Variants in FYB2 observed in about 807,000 individuals in gnomAD.
The protein encoded by FYB2 is FYN binding protein 2.
In FYB2, 103 loss-of-function variants were observed where a neutral mutation model predicts 94.1. The observed-to-expected ratio is 1.09, with a 90% CI of 0.93 to 1.29. FYB2 has a LOEUF of 1.29. FYB2 is among the 50% of genes most tolerant of loss of function. The pLI, the probability that FYB2 is intolerant of heterozygous loss-of-function variation, is 0.00. For missense variants in FYB2, 896 were observed against 841.5 expected (o/e 1.06, Z -0.80); for synonymous variants, 293 against 287.9 (o/e 1.02, Z -0.18).
At chr1:56,724,113 C>T (rs1224371112) in intron 16 of FYB2, among the ~76,000 whole-genome samples, 2 of 151,114 alleles carry the variant, frequency 1.3e-5, no homozygotes, top group Non-Finnish European at 2.9e-5. Flanking sequence ...CACCTTCAGA[C>T]TATTTAATGG....
chr1:56,812,699 C>G (rs181387309), intron 1 of FYB2, among the ~76,000 whole-genome samples: 2 of 152,210 alleles, frequency 1.3e-5, no homozygotes, highest in Admixed American at 1.3e-4. Context: ...TGACCATGGT[C>G]GCAGGATCAT....
At chr1:56,792,027 C>A in intron 2 of FYB2, 29 bp downstream of exon 2, 1 of 1,538,876 alleles carries the variant, frequency 6.5e-7, no homozygotes, top group African/African-American at 1.4e-5. Flanking sequence ...CCTCCCTAGC[C>A]CCTGTCCCAT....
chr1:56,772,084 C>T (rs546044819), intron 4 of FYB2, among the ~76,000 whole-genome samples: 40 of 152,168 alleles, frequency 2.6e-4, no homozygotes, highest in Admixed American at 1.0e-3. Context: ...TGTTCCCCTC[C>T]CCCTTCATAA....
intron 8 of FYB2, among the ~76,000 whole-genome samples, chr1:56,752,948 T>C (rs1288097451): frequency 6.6e-6 from 1 of 152,090 alleles, no homozygotes; most frequent in African/African-American, 2.4e-5. Context: ...TCACACCCAG[T>C]GCTGCTCCCC....
chr1:56,785,495 A>G (rs1646113635), intron 4 of FYB2, among the ~76,000 whole-genome samples: 1 of 152,166 alleles, frequency 6.6e-6, no homozygotes. Flanking sequence ...TTGTGCTGTC[A>G]TTTAACTCTT....
chr1:56,815,612 T>G (rs1201080701), intron 1 of FYB2, among the ~76,000 whole-genome samples: 4 of 152,220 alleles, frequency 2.6e-5, no homozygotes, highest in Admixed American at 6.5e-5. Context: ...TAAGTCGTTA[T>G]GAAGTGTGTT....
chr1:56,786,347 T>C (rs1646132371), intron 4 of FYB2, among the ~76,000 whole-genome samples: 1 of 152,218 alleles, frequency 6.6e-6, no homozygotes, highest in Non-Finnish European at 1.5e-5. Context: ...TCCTTGACCC[T>C]CCCAAGAAGA....
intron 5 of FYB2, among the ~76,000 whole-genome samples, chr1:56,760,950 A>G (rs977321637): frequency 6.6e-6 from 1 of 152,172 alleles, no homozygotes; most frequent in Non-Finnish European, 1.5e-5. Flanking sequence ...AGGAATTATG[A>G]CAAGAGCATG....
At chr1:56,739,441 A>G (rs1644902012) in intron 13 of FYB2, among the ~76,000 whole-genome samples, 1 of 152,096 alleles carries the variant, frequency 6.6e-6, no homozygotes, top group Non-Finnish European at 1.5e-5. Context: ...TCCAATTGAC[A>G]GTTGAACTTA....
At chr1:56,756,808 T>C (rs1645343640) in intron 6 of FYB2, among the ~76,000 whole-genome samples, 1 of 152,138 alleles carries the variant, frequency 6.6e-6, no homozygotes, top group Non-Finnish European at 1.5e-5. Flanking sequence ...GCACAAGTGC[T>C]ATCACACCAG....
At chr1:56,734,404 G>C (rs993947863) in intron 15 of FYB2, among the ~76,000 whole-genome samples, 7 of 151,980 alleles carry the variant, frequency 4.6e-5, no homozygotes, top group African/African-American at 1.7e-4. Flanking sequence ...CAAAGACTTG[G>C]AACCAACCCA....
At chr1:56,746,276 T>C (rs1158280167) in intron 9 of FYB2, among the ~76,000 whole-genome samples, 1 of 152,154 alleles carries the variant, frequency 6.6e-6, no homozygotes, top group East Asian at 1.9e-4. Flanking sequence ...TTTGAATGCA[T>C]GTGTCTTCTC....
intron 16 of FYB2, among the ~76,000 whole-genome samples, chr1:56,726,171 A>G (rs1199251425): frequency 6.6e-6 from 1 of 152,004 alleles, no homozygotes; most frequent in Non-Finnish European, 1.5e-5. Flanking sequence ...TATTTACATT[A>G]TATCTTAGAG....
At position 56,806,733 on chromosome 1, in the gene FYB2, T is replaced by C. The variant is rs890140864; in HGVS notation, c.9+12549A>G. ...AACAAATGGGGTTTATGATGTCTTT[T>C]AGGAAATCAGCCAAAACCAAAAAAT... On this transcript the variant is annotated intron_variant, in intron 1 of 19. Coordinates refer to ENST00000343433, the MANE Select transcript of FYB2 (RefSeq NM_001004303.5). Among the ~76,000 whole-genome samples the C allele has an allele frequency of 3.3e-5, 5 of 151,996 alleles. No homozygotes were observed. In the South Asian group the frequency reaches 6.3e-4, roughly 19 times the overall value.
At chr1:56,730,297 G>T (rs917389232) in intron 15 of FYB2, among the ~76,000 whole-genome samples, 11 of 145,696 alleles carry the variant, frequency 7.5e-5, no homozygotes, top group African/African-American at 1.5e-4. Context: ...GAGAGAGATG[G>T]GGTGAGAAGG....
At chr1:56,740,905 G>A in intron 12 of FYB2, 110 bp from the exon 13 acceptor site, 1 of 655,602 alleles carries the variant, frequency 1.5e-6, no homozygotes, top group Non-Finnish European at 2.5e-6. Flanking sequence ...GTAAGTGGGA[G>A]CTAAACAATA....
At chr1:56,725,335 T>C (rs1313571753) in intron 16 of FYB2, among the ~76,000 whole-genome samples, 1 of 152,020 alleles carries the variant, frequency 6.6e-6, no homozygotes, top group Non-Finnish European at 1.5e-5. Context: ...GAATACATTA[T>C]GGTAGAAATC....
At position 56,787,039 on chromosome 1, in the gene FYB2, G is replaced by A. The variant is rs184239811; in HGVS notation, c.953+136C>T. On this transcript the variant is annotated intron_variant, in intron 4 of 19. Coordinates refer to ENST00000343433, the MANE Select transcript of FYB2 (RefSeq NM_001004303.5). The stretch of plus-strand genomic sequence containing the variant: ...TTTACAACAAAAGTTACACTTTGTT[G>A]CTTATAAGTTCACTGCTTCTGAAAC... The A allele has an allele frequency of 9.2e-5, 84 of 911,418 alleles. No individual in the cohort carries two copies. In the African/African-American group the frequency reaches 1.2e-3, roughly 13 times the overall value. The allele number at this position is 911,418 out of a possible 1,614,324, so 56.5% of individuals were successfully genotyped here. A position where few individuals can be genotyped will look rare whatever the true frequency, so the allele number is the denominator to read the frequency against.
intron 4 of FYB2, among the ~76,000 whole-genome samples, chr1:56,779,234 A>G (rs2100885632): frequency 6.6e-6 from 1 of 152,326 alleles, no homozygotes; most frequent in Non-Finnish European, 1.5e-5. Context: ...ACATTTTTGA[A>G]TTTTATTCCA....
Sources: gnomAD v4.1 joint callset for allele counts (sites outside exome capture counted in the v4.1 genomes callset) on GRCh38, gnomAD v4.1.1 for gene constraint, MANE v1.5 for transcripts, NCBI Gene and HGNC (gene_info 2026-07-23, HGNC 2026-07-21) for gene names.